AFAP1: variants seen among roughly 807,000 people sequenced by gnomAD.
AFAP1 encodes the protein actin filament associated protein 1, also known as actin filament-associated protein 1.
Under a neutral mutation model 93.9 loss-of-function variants are expected in AFAP1, and 75 were observed. The ratio of observed to expected loss-of-function variants is 0.80; its 90% CI spans 0.66 to 0.97. The LOEUF is 0.97. Among genes scored for constraint, AFAP1 ranks in the 50% least tolerant of loss-of-function variants. AFAP1 has a pLI of 0.00. For synonymous variants in AFAP1, 517 were observed against 430.7 expected (o/e 1.20, Z -2.48); for missense variants, 1,201 against 1,050.8 (o/e 1.14, Z -1.98).
chr4:7,933,581 T>A (rs1397302366), intron 1 of AFAP1, among the ~76,000 whole-genome samples: 1 of 151,904 alleles, frequency 6.6e-6, no homozygotes. Flanking sequence ...TCAAAAAAAA[T>A]ATTTAAAAAA....
intron 1 of AFAP1, among the ~76,000 whole-genome samples, chr4:7,872,879 C>A (rs924045974): frequency 1.3e-5 from 2 of 149,968 alleles, no homozygotes; most frequent in South Asian, 2.1e-4. Flanking sequence ...ACCAAACTAT[C>A]CTAGCGGTCA....
intron 1 of AFAP1, among the ~76,000 whole-genome samples, chr4:7,893,832 C>A (rs925795653): frequency 2.6e-5 from 4 of 152,116 alleles, no homozygotes; most frequent in Non-Finnish European, 4.4e-5. Flanking sequence ...AGGCCCTAAG[C>A]CACACTGACT....
rs560914654 is a variant in AFAP1 at position 7,800,553 on chromosome 4, G to T, written c.1155C>A (p.Thr385=). Residue 385 remains threonine, a synonymous_variant, in exon 10 of 18, where the codon ACC becomes ACA. Coordinates refer to ENST00000420658, the MANE Select transcript of AFAP1 (RefSeq NM_001134647.2). ...CACGGAGCGGAATAGACACAATATG[G>T]GTCTTCAGGTCGGTCCTGTCCTTGT... The part of the protein sequence containing the change: ...IFHKDRTDLK[T]HIVSIPLRGC... The T allele has an allele frequency of 2.3e-5, 37 of 1,613,962 alleles. No homozygotes were observed. In the Middle Eastern group the frequency reaches 4.9e-4, roughly 22 times the overall value.
chr4:7,834,587 A>G (rs994320616), intron 6 of AFAP1, among the ~76,000 whole-genome samples: 9 of 152,400 alleles, frequency 5.9e-5, no homozygotes, highest in Admixed American at 3.3e-4. Flanking sequence ...GGCAGCTACT[A>G]TGATAGTAAG....
At chr4:7,848,126 AG>A (rs1163836377) in intron 4 of AFAP1, among the ~76,000 whole-genome samples, 32 of 111,812 alleles carry the variant, frequency 2.9e-4, no homozygotes, top group African/African-American at 4.5e-4. Context: ...GAAGGAAGGA[AG>A]GGAGTGAGTG....
chr4:7,838,772 G>A, intron 5 of AFAP1, 69 bp from the exon 6 acceptor site: 1 of 1,557,790 alleles, frequency 6.4e-7, no homozygotes, highest in Non-Finnish European at 8.7e-7. Flanking sequence ...GGAAGCTCTA[G>A]CATCATGAAA....
At chr4:7,802,358 T>C (rs1719123242) in intron 9 of AFAP1, among the ~76,000 whole-genome samples, 1 of 152,194 alleles carries the variant, frequency 6.6e-6, no homozygotes, top group South Asian at 2.1e-4. Flanking sequence ...CCAAGCTCCT[T>C]GTATTTCAGA....
intron 11 of AFAP1, chr4:7,788,763 G>A (rs1717551722): frequency 6.6e-6 from 1 of 150,882 alleles, no homozygotes; most frequent in Non-Finnish European, 1.5e-5. Context: ...GTAAATGGAG[G>A]AATGAATAAA....
At chr4:7,890,021 A>AT (rs962641269) in intron 1 of AFAP1, among the ~76,000 whole-genome samples, 1 of 150,988 alleles carries the variant, frequency 6.6e-6, no homozygotes, top group African/African-American at 2.4e-5. Context: ...AAAAAAAAAA[A>AT]AAAGAAGCCA....
At chr4:7,926,307 T>C (rs755599085) in intron 1 of AFAP1, among the ~76,000 whole-genome samples, 2 of 152,208 alleles carry the variant, frequency 1.3e-5, no homozygotes, top group Non-Finnish European at 2.9e-5. Context: ...TTAAGCCCTC[T>C]TCAGCATCAA....
chr4:7,925,064 G>A (rs992929216), intron 1 of AFAP1, among the ~76,000 whole-genome samples: 1 of 152,038 alleles, frequency 6.6e-6, no homozygotes, highest in South Asian at 2.1e-4. Context: ...TTGCATGTGA[G>A]TCTCTGCCAC....
chr4:7,760,769 G>GT lies in AFAP1; in HGVS notation c.*2995dup, dbSNP rs1713664759. 1 of 152,298 alleles carries GT rather than the reference G, an allele frequency of 6.6e-6. No homozygotes were observed. The highest frequency in any genetic ancestry group is 2.4e-5 in the African/African-American group (1 of 41,474). The allele number at this position is 152,298 out of a possible 1,614,324, so 9.4% of individuals were successfully genotyped here. ...CTGAAGAGTGACACTGTGGCTCAAG[G>GT]TTAGAATGGAAGGAGCCCTGAGCCC... is the stretch of plus-strand genomic sequence containing the variant. On this transcript the variant is annotated 3_prime_UTR_variant, in exon 18 of 18. Coordinates refer to ENST00000420658, the MANE Select transcript of AFAP1 (RefSeq NM_001134647.2).
chr4:7,764,531 A>T (rs1714279868), intron 17 of AFAP1, among the ~76,000 whole-genome samples: 1 of 104,174 alleles, frequency 9.6e-6, no homozygotes, highest in Non-Finnish European at 2.8e-5. Flanking sequence ...CTGTAGACTT[A>T]AAAATGCTTA....
In AFAP1 at chr4:7,891,085, AC is replaced by A. The variant is rs1427977107; in HGVS notation, c.-2-19006del. ...TCTTTTTCAGCAAGAAAAATAAATT[AC>A]CAAAAAAAAAAATAAATAAACTACT... On this transcript the variant is annotated intron_variant, in intron 1 of 17. Transcript: ENST00000420658. 6.6e-5 allele frequency among the ~76,000 whole-genome samples: 10 copies of A among 152,214 alleles called. No homozygotes were observed. In the South Asian group the frequency reaches 8.3e-4, roughly 13 times the overall value.
intron 9 of AFAP1, among the ~76,000 whole-genome samples, chr4:7,808,353 C>G (rs1719712005): frequency 6.6e-6 from 1 of 152,200 alleles, no homozygotes. Context: ...CTATGATCCT[C>G]TCACGGCCTC....
chr4:7,858,440 G>A (rs566829288), intron 3 of AFAP1, among the ~76,000 whole-genome samples: 1 of 152,280 alleles, frequency 6.6e-6, no homozygotes, highest in South Asian at 2.1e-4. Flanking sequence ...ATCGGCCACA[G>A]GGGTTTCAGA....
chr4:7,881,788 A>G (rs1577331089), intron 1 of AFAP1, among the ~76,000 whole-genome samples: 1 of 152,078 alleles, frequency 6.6e-6, no homozygotes, highest in East Asian at 1.9e-4. Context: ...CTCAAAAAAA[A>G]AAAAGAAAAA....
intron 1 of AFAP1, among the ~76,000 whole-genome samples, chr4:7,934,056 A>C (rs1721247432): frequency 1.3e-5 from 2 of 152,226 alleles, no homozygotes; most frequent in Admixed American, 1.3e-4. Flanking sequence ...CCTTACATCC[A>C]AAGGCAGGGC....
rs532824663 is a variant in AFAP1, at chr4:7,921,438, G to A, written c.-3+18218C>T. ...GACCTCAGGTGATCCGCCTGTCTCCGCCTCTCAAAGCGCTAGGATTACAGG... is the reference window on the plus strand; with the variant it reads ...GACCTCAGGTGATCCGCCTGTCTCCACCTCTCAAAGCGCTAGGATTACAGG... On this transcript the variant is annotated intron_variant, in intron 1 of 17. Transcript: ENST00000420658. 4.0e-5 allele frequency among the ~76,000 whole-genome samples: 6 copies of A among 151,868 alleles called. No individual in the cohort carries two copies. In the East Asian group the frequency reaches 5.8e-4, roughly 15 times the overall value.
Sources: allele counts gnomAD v4.1 joint callset (sites outside exome capture counted in the v4.1 genomes callset), GRCh38; gene constraint gnomAD v4.1.1; transcripts MANE v1.5; gene names NCBI Gene and HGNC (gene_info 2026-07-23, HGNC 2026-07-21).